The following HTR4 variants were observed in gnomAD, a reference collection of about 807,000 sequenced individuals.
HTR4 encodes 5-hydroxytryptamine (serotonin) receptor 4, G protein-coupled.
A neutral mutation model predicts 36.8 loss-of-function variants in HTR4; 16 were observed. That is an observed-to-expected ratio of 0.43 (90% CI 0.29 to 0.66). The LOEUF (loss-of-function observed/expected upper bound fraction) is 0.66, where lower values mean the gene tolerates loss of function less well. HTR4 is among the 30% of genes least tolerant of loss of function. HTR4 has a pLI of 0.13. For synonymous variants in HTR4, 189 were observed against 185.1 expected (o/e 1.02, Z -0.17); for missense variants, 438 against 490.9 (o/e 0.89, Z 1.02).
chr5:148,549,060 G>A (rs1759543741), intron 3 of HTR4, among the ~76,000 whole-genome samples, 192 bp from the exon 4 acceptor site: 1 of 152,096 alleles, frequency 6.6e-6, no homozygotes, highest in African/African-American at 2.4e-5. Flanking sequence ...TCTGTAACAT[G>A]GCTGAGAAGA....
intron 2 of HTR4, among the ~76,000 whole-genome samples, chr5:148,577,746 T>C (rs1245146371): frequency 6.6e-6 from 1 of 152,068 alleles, no homozygotes; most frequent in East Asian, 1.9e-4. Flanking sequence ...CTGTTCTTAC[T>C]TACAAGTGAG....
chr5:148,458,543 AG>A (rs970846324), intron 5 of HTR4, among the ~76,000 whole-genome samples: 5 of 152,028 alleles, frequency 3.3e-5, no homozygotes, highest in African/African-American at 9.7e-5. Flanking sequence ...AGCATGTCAG[AG>A]GGGGGATGAG....
At chr5:148,631,859 T>C (rs984020008) in intron 2 of HTR4, among the ~76,000 whole-genome samples, 22 of 152,164 alleles carry the variant, frequency 1.4e-4, no homozygotes, top group African/African-American at 5.3e-4. Flanking sequence ...TTGTTGCATG[T>C]GTATAGCAGG....
intron 4 of HTR4, among the ~76,000 whole-genome samples, chr5:148,544,843 G>C (rs1337854951): frequency 6.6e-6 from 1 of 152,188 alleles, no homozygotes; most frequent in African/African-American, 2.4e-5. Context: ...CATCTGAGAA[G>C]AGTTACAAAT....
At chr5:148,469,092 C>T (rs540500608) in intron 5 of HTR4, among the ~76,000 whole-genome samples, 1 of 152,036 alleles carries the variant, frequency 6.6e-6, no homozygotes, top group East Asian at 1.9e-4. Context: ...GTGAAATGGA[C>T]GAATACACTT....
intron 4 of HTR4, among the ~76,000 whole-genome samples, chr5:148,531,038 C>G (rs186922135): frequency 6.9e-4 from 105 of 152,278 alleles, no homozygotes; most frequent in African/African-American, 2.4e-3. Flanking sequence ...TATCTAGAAA[C>G]TAATTAACTT....
intron 2 of HTR4, among the ~76,000 whole-genome samples, chr5:148,588,527 C>CTTTT (rs35749777): frequency 3.7e-4 from 41 of 110,156 alleles, no homozygotes; most frequent in African/African-American, 6.8e-4. Context: ...GGTTTTAATT[C>CTTTT]TTTTTTTTTT....
chr5:148,618,010 T>A (rs1198055505), intron 2 of HTR4, among the ~76,000 whole-genome samples: 1 of 152,078 alleles, frequency 6.6e-6, no homozygotes. Flanking sequence ...AACAGCTTCA[T>A]TCCTGGGCCA....
At position 148,605,311 on chromosome 5, in the gene HTR4, T is replaced by G. The variant is rs184721382; in HGVS notation, c.26+31678A>C. ...CTCACTCTTGTCGCCCAGGCTAGAG[T>G]GCAATGGCGTGATCTCGGCTCACTG... On this transcript the variant is annotated intron_variant, in intron 2 of 6. Coordinates refer to ENST00000377888, the MANE Select transcript of HTR4 (RefSeq NM_000870.7). Among the ~76,000 whole-genome samples the G allele has an allele frequency of 1.6e-4, 22 of 138,838 alleles. No individual in the cohort carries two copies. The East Asian group carries it at 4.3e-3, about 27-fold the overall frequency. The allele number at this position is 138,838 out of a possible 152,430, so 91.1% of individuals were successfully genotyped here.
chr5:148,467,869 T>G (rs1393009249), intron 5 of HTR4, among the ~76,000 whole-genome samples: 1 of 152,222 alleles, frequency 6.6e-6, no homozygotes, highest in Non-Finnish European at 1.5e-5. Flanking sequence ...CCCTTGGACA[T>G]CCATTATTTT....
chr5:148,640,975 C>T (rs1254302455), intron 1 of HTR4, among the ~76,000 whole-genome samples: 1 of 152,118 alleles, frequency 6.6e-6, no homozygotes, highest in African/African-American at 2.4e-5. Flanking sequence ...TGCATTTTAT[C>T]AGAGAGAAAG....
chr5:148,646,679 A>G (rs1753883272), intron 1 of HTR4, among the ~76,000 whole-genome samples: 1 of 152,220 alleles, frequency 6.6e-6, no homozygotes, highest in East Asian at 1.9e-4. Flanking sequence ...GAAGAAAGGG[A>G]TCCTGGGGAA....
intron 2 of HTR4, among the ~76,000 whole-genome samples, chr5:148,588,183 A>G (rs1833710): frequency 0.18 from 27,498 of 152,210 alleles, 2,836 homozygotes; most frequent in African/African-American, 0.25. Context: ...TGTGGTTGCA[A>G]GACCGATAGA....
chr5:148,561,531 G>A (rs1760210369), intron 2 of HTR4, among the ~76,000 whole-genome samples: 1 of 152,182 alleles, frequency 6.6e-6, no homozygotes, highest in African/African-American at 2.4e-5. Context: ...AAGTGGAACT[G>A]AGTCAACAGC....
intron 4 of HTR4, among the ~76,000 whole-genome samples, chr5:148,546,787 T>C (rs1759404130): frequency 6.6e-6 from 1 of 152,246 alleles, no homozygotes; most frequent in Admixed American, 6.5e-5. Context: ...AATGATCATA[T>C]GCAGGTTACC....
At chr5:148,568,849 G>C (rs548521227) in intron 2 of HTR4, among the ~76,000 whole-genome samples, 4 of 152,242 alleles carry the variant, frequency 2.6e-5, no homozygotes, top group Middle Eastern at 3.4e-3. Flanking sequence ...CATGTAGAAG[G>C]TTGTGTGTTG....
At chr5:148,511,396 CT>C (rs1757491457) in intron 5 of HTR4, among the ~76,000 whole-genome samples, 1 of 152,060 alleles carries the variant, frequency 6.6e-6, no homozygotes, top group Non-Finnish European at 1.5e-5. Flanking sequence ...TGTTTTCCAA[CT>C]AAGTATCAAT....
At chr5:148,610,715 G>A (rs1752389516) in intron 2 of HTR4, among the ~76,000 whole-genome samples, 1 of 151,092 alleles carries the variant, frequency 6.6e-6, no homozygotes, top group South Asian at 2.1e-4. Context: ...GGCTTTAGAC[G>A]ATCAAATTAC....
Position 148,483,164 on chromosome 5 carries a change from C to A in HTR4, c.*39G>T, listed in dbSNP as rs1236081241. On this transcript the variant is annotated 3_prime_UTR_variant, in exon 7 of 7. Transcript: ENST00000377888. ...AGCAGCTTAGGACCTGGCCCTCTTT[C>A]GGAGGCATGGCTGTCTTCTGGGTCA... The A allele has an allele frequency of 6.2e-7, 1 of 1,613,504 alleles. No individual in the cohort carries two copies. The highest frequency in any genetic ancestry group is 2.2e-5 in the East Asian group (1 of 44,822).
Sources: allele counts gnomAD v4.1 joint callset (sites outside exome capture counted in the v4.1 genomes callset), GRCh38; gene constraint gnomAD v4.1.1; transcripts MANE v1.5; gene names NCBI Gene and HGNC (gene_info 2026-07-23, HGNC 2026-07-21).